STARD9: variants seen among roughly 807,000 people sequenced by gnomAD.
The protein encoded by STARD9 is StAR related lipid transfer domain containing 9, also known as stAR-related lipid transfer protein 9.
In STARD9, 346 loss-of-function variants were observed where a neutral mutation model predicts 399.8. The ratio of observed to expected loss-of-function variants is 0.87; its 90% CI spans 0.79 to 0.95. STARD9 has a LOEUF of 0.95. Ranked by LOEUF, STARD9 falls within the 40% of genes least tolerant of loss-of-function variation. STARD9 has a pLI of 0.00. For missense variants in STARD9, 5,832 were observed against 5,667.5 expected, an observed-to-expected ratio of 1.03 and a Z score of -0.93; for synonymous variants, 2,203 against 2,143.5, an observed-to-expected ratio of 1.03 and a Z score of -0.77.
At chr15:42,645,330 TTA>T (rs2059625045) in intron 7 of STARD9, among the ~76,000 whole-genome samples, 2 of 152,192 alleles carry the variant, frequency 1.3e-5, no homozygotes, top group African/African-American at 4.8e-5. Flanking sequence ...AGAACAGATG[TTA>T]TGTTAGCAAG....
intron 26 of STARD9, among the ~76,000 whole-genome samples, chr15:42,696,514 A>G (rs1369992050): frequency 1.3e-5 from 2 of 152,206 alleles, no homozygotes; most frequent in Admixed American, 1.3e-4. Context: ...GCCCCTTTCT[A>G]ATCCATCTCA....
chr15:42,649,148 G>A (rs541438598), intron 7 of STARD9, among the ~76,000 whole-genome samples: 20 of 152,112 alleles, frequency 1.3e-4, no homozygotes, highest in African/African-American at 4.8e-4. Flanking sequence ...TCTTGCCTTA[G>A]CCTCCCGAGT....
intron 30 of STARD9, 26 bp downstream of exon 30, chr15:42,718,205 A>C: frequency 6.6e-7 from 1 of 1,525,054 alleles, no homozygotes; most frequent in African/African-American, 1.4e-5. Flanking sequence ...GAAGGCTTCC[A>C]TGGGGCCTAG....
chr15:42,585,396 A>G, intron 2 of STARD9, 125 bp from the exon 3 acceptor site: 1 of 553,766 alleles, frequency 1.8e-6, no homozygotes, highest in South Asian at 2.7e-5. Context: ...TTTTTCAGGA[A>G]GATAATATAA....
intron 1 of STARD9, chr15:42,581,262 G>T: frequency 1.1e-6 from 1 of 878,666 alleles, no homozygotes; most frequent in East Asian, 2.4e-5. Context: ...CCGGGATATT[G>T]GGCAGATGGC....
Position 42,689,173 on chromosome 15 carries a change from C to A in STARD9, c.7595C>A (p.Pro2532His), listed in dbSNP as rs761767851. 38 of 1,537,254 alleles carry A rather than the reference C, an allele frequency of 2.5e-5. No homozygotes were observed. The highest frequency in any genetic ancestry group is 3.3e-5 in the Non-Finnish European group (38 of 1,146,916). The change falls in exon 23 of 33, where the codon CCC becomes CAC. Residue 2532 changes from proline to histidine, a missense_variant. Transcript: ENST00000290607. ...SLAPVSLPRV[P>H]SPEPRLLEPS... is the part of the protein sequence containing the mutation. ...GCACCTGTTTCCCTGCCGAGGGTGCCCAGTCCAGAGCCTAGGCTGTTGGAG... is the reference window on the plus strand; with the variant it reads ...GCACCTGTTTCCCTGCCGAGGGTGCACAGTCCAGAGCCTAGGCTGTTGGAG...
rs2060017134 is a variant in STARD9 at position 42,662,869 on chromosome 15, A to G, written c.846A>G (p.Leu282=). The G allele has an allele frequency of 6.5e-7, 1 of 1,536,792 alleles. No homozygotes were observed. The highest frequency in any genetic ancestry group is 8.7e-7 in the Non-Finnish European group (1 of 1,146,318). ...GANINKSLVT[L]GIVISTLAQN... Reference sequence around the variant, plus strand: ...ATATCAACAAGTCCCTTGTGACTCTAGGAATTGTCATCTCCACCTTAGGTA... The same window carrying G: ...ATATCAACAAGTCCCTTGTGACTCTGGGAATTGTCATCTCCACCTTAGGTA... The change falls in exon 11 of 33, where the codon CTA becomes CTG. Residue 282 remains leucine, a synonymous_variant. Transcript: ENST00000290607.
chr15:42,635,648 C>T (rs976424824), intron 4 of STARD9, among the ~76,000 whole-genome samples: 35 of 152,120 alleles, frequency 2.3e-4, no homozygotes, highest in African/African-American at 8.4e-4. Flanking sequence ...CTTTATTAAA[C>T]CCTGAAGAGC....
At chr15:42,717,923 T>G (rs1023124382) in intron 29 of STARD9, 54 bp from the exon 30 acceptor site, 13 of 1,521,674 alleles carry the variant, frequency 8.5e-6, no homozygotes, top group Admixed American at 2.0e-5. Context: ...TTTGTGACCC[T>G]TAGAGCCCAT....
intron 7 of STARD9, among the ~76,000 whole-genome samples, chr15:42,647,343 T>C (rs1425504002): frequency 6.6e-6 from 1 of 152,342 alleles, no homozygotes; most frequent in African/African-American, 2.4e-5. Context: ...AAGTTAAACT[T>C]TCCTACTATG....
In STARD9 at chr15:42,682,092, T is replaced by C; in HGVS notation, c.2066-12T>C. The C allele has an allele frequency of 6.6e-7, 1 of 1,518,872 alleles. No individual in the cohort carries two copies. Among genetic ancestry groups the C allele is most frequent in the Non-Finnish European group, 8.8e-7 (1 of 1,134,038 alleles). 94.1% of individuals were successfully genotyped at this position (1,518,872 alleles called of 1,614,324 possible). On this transcript the variant is annotated splice_polypyrimidine_tract_variant and intron_variant, in intron 21 of 32. Coordinates refer to ENST00000290607, the MANE Select transcript of STARD9 (RefSeq NM_020759.3). ...GATGCTGAAATTCTCTCTGGGTGTT[T>C]TTGGTTCCCAGACCAGCAGTGTCTG...
chr15:42,615,324 T>C (rs1308519131), intron 3 of STARD9, among the ~76,000 whole-genome samples: 4 of 152,124 alleles, frequency 2.6e-5, no homozygotes, highest in African/African-American at 9.7e-5. Context: ...CAAGGATGTT[T>C]ACTGGAAACA....
At chr15:42,623,666 T>A (rs1442867739) in intron 3 of STARD9, among the ~76,000 whole-genome samples, 2 of 152,230 alleles carry the variant, frequency 1.3e-5, no homozygotes, top group Non-Finnish European at 2.9e-5. Context: ...GTGTTTACCT[T>A]CATTTCAAAA....
chr15:42,690,911 CCT>C lies in STARD9; in HGVS notation c.9334_9335del (p.Leu3112GlufsTer4). 4 of 1,537,110 alleles carry C rather than the reference CCT, an allele frequency of 2.6e-6. No individual in the cohort carries two copies. Among genetic ancestry groups the C allele is most frequent in the Non-Finnish European group, 3.5e-6 (4 of 1,146,882 alleles). ...SFPAGMYSEP[L>X]RQFRDSSVGD... ...TCCCTGCAGGCATGTACTCTGAGCC[CCT>C]GAGGCAGTTTAGGGACAGCTCTGTA... On this transcript the variant is annotated frameshift_variant, in exon 23 of 33. Transcript: ENST00000290607. LOFTEE classifies it high-confidence loss of function.
At position 42,690,798 on chromosome 15, in the gene STARD9, G is replaced by C. The variant is rs146774151; in HGVS notation, c.9220G>C (p.Ala3074Pro). Residue 3074 changes from alanine (A) to proline (P), a missense_variant, in exon 23 of 33, where the codon GCT (alanine) becomes CCT (proline). Ala to Pro is a conservative substitution (Grantham distance 27, BLOSUM62 -1). Transcript: ENST00000290607. Reference sequence around the variant, plus strand: ...GAGGACAGGTTCCTTCAGCCACTCAGCTACTGATGGAAGCGTGGGGTTAAT... The same window carrying C: ...GAGGACAGGTTCCTTCAGCCACTCACCTACTGATGGAAGCGTGGGGTTAAT... ...DVRTGSFSHS[A>P]TDGSVGLIGV... 340 of 1,537,260 alleles carry C rather than the reference G, an allele frequency of 2.2e-4. 6 individuals carry two copies. In the East Asian group the frequency reaches 8.2e-3, roughly 37 times the overall value.
chr15:42,575,831 C>G, intron 1 of STARD9, 69 bp downstream of exon 1: 4 of 1,467,006 alleles, frequency 2.7e-6, no homozygotes, highest in East Asian at 4.9e-5. Context: ...TCCGCGTCTC[C>G]CCCTGCAGAG....
chr15:42,622,772 C>T (rs1191426683), intron 3 of STARD9, among the ~76,000 whole-genome samples: 1 of 151,976 alleles, frequency 6.6e-6, no homozygotes, highest in African/African-American at 2.4e-5. Context: ...TGGTTGTTCT[C>T]CTGTTTTGTC....
At chr15:42,704,672 T>TC (rs1595812026) in intron 26 of STARD9, among the ~76,000 whole-genome samples, 1 of 152,276 alleles carries the variant, frequency 6.6e-6, no homozygotes, top group East Asian at 1.9e-4. Flanking sequence ...CAGGGAGAGT[T>TC]CCCCACCTCG....
Position 42,687,718 on chromosome 15 carries a change from T to C in STARD9, c.6140T>C (p.Met2047Thr), listed in dbSNP as rs1271266932. 5.2e-6 allele frequency: 8 copies of C among 1,537,332 alleles called. No individual in the cohort carries two copies. The highest frequency in any genetic ancestry group is 7.0e-6 in the Non-Finnish European group (8 of 1,146,964). Residue 2047 changes from methionine to threonine, a missense_variant, in exon 23 of 33, where the codon ATG becomes ACG. By Grantham distance (81) the Met-to-Thr change is moderately conservative. Around this residue, in one of 2 missense-constraint regions of STARD9, gnomAD observed 5,828 missense variants for 5,651.1 expected, o/e 1.03. Transcript: ENST00000290607. The part of the protein sequence containing the change: ...QNKRVNNTDE[M>T]ARLIRSVMQL... ...AAAAGAGTTAATAATACTGATGAAA[T>C]GGCTAGGCTAATTAGGAGTGTAATG... is the stretch of plus-strand genomic sequence containing the variant.
Sources: allele counts gnomAD v4.1 joint callset (sites outside exome capture counted in the v4.1 genomes callset), GRCh38; gene constraint gnomAD v4.1.1; regional missense constraint gnomAD v4.1.1; transcripts MANE v1.5; gene names NCBI Gene and HGNC (gene_info 2026-07-23, HGNC 2026-07-21).